The following TBCK variants were observed in gnomAD, a reference collection of about 807,000 sequenced individuals.
TBCK encodes TBC1 domain containing kinase.
Under a neutral mutation model 113.4 loss-of-function variants are expected in TBCK, and 99 were observed. The observed-to-expected ratio is 0.87, with a 90% CI of 0.74 to 1.03. The LOEUF is 1.03. Ranked by LOEUF, TBCK falls within the 50% of genes least tolerant of loss-of-function variation. TBCK has a pLI of 0.00. For missense variants in TBCK, 1,045 were observed against 1,061.3 expected (o/e 0.98, Z 0.21); for synonymous variants, 369 against 370.8 (o/e 1.00, Z 0.05).
At chr4:106,218,029 C>T (rs994239893) in intron 19 of TBCK, among the ~76,000 whole-genome samples, 1 of 143,992 alleles carries the variant, frequency 6.9e-6, no homozygotes, top group African/African-American at 2.6e-5. Context: ...AGATATAGAT[C>T]AATGGAACAG....
intron 24 of TBCK, among the ~76,000 whole-genome samples, chr4:106,111,711 A>G (rs1312235761): frequency 6.6e-6 from 1 of 152,260 alleles, no homozygotes; most frequent in African/African-American, 2.4e-5. Flanking sequence ...AGGTTTAATC[A>G]TAGAACCTGG....
rs1733986457 is a variant in TBCK at position 106,043,718 on chromosome 4, AGTGT to A, written c.*2848_*2851del. 2 of 150,406 alleles carry A rather than the reference AGTGT, an allele frequency of 1.3e-5. No individual in the cohort carries two copies. The highest frequency in any genetic ancestry group is 3.0e-5 in the Non-Finnish European group (2 of 67,642). 9.3% of individuals were successfully genotyped at this position (150,406 alleles called of 1,614,324 possible). On this transcript the variant is annotated 3_prime_UTR_variant, in exon 26 of 26. Transcript: ENST00000394708. Reference sequence around the variant, plus strand: ...GTTGCTAGATTATCAAGAGTTAATAAGTGTGTTTATGAATGTGAGTGTGTGTGTG... The same window carrying A: ...GTTGCTAGATTATCAAGAGTTAATAAGTTTATGAATGTGAGTGTGTGTGTG...
chr4:106,235,344 T>C lies in TBCK; in HGVS notation c.1374A>G (p.Gln458=). ...LLKAYPYKKN[Q]IWKEARVDIP... ...TGTCAACTCTTGCTTCTTTCCAGAT[T>C]TGGTTTTTTTTATATGGATAAGCCT... Residue 458 remains glutamine (Q), a synonymous_variant, in exon 15 of 26, where the codon CAA becomes CAG. Coordinates refer to ENST00000394708, the MANE Select transcript of TBCK (RefSeq NM_001163435.3). 6.2e-7 allele frequency: 1 copy of C among 1,609,314 alleles called. No homozygotes were observed. The highest frequency in any genetic ancestry group is 8.5e-7 in the Non-Finnish European group (1 of 1,177,822).
rs141631898 is a variant in TBCK at position 106,109,864 on chromosome 4, A to C, written c.2411+6339T>G. Reference sequence around the variant, plus strand: ...TAGGAGATTGGTCAGGGTGGTGGAAAAAATTGTAGAAAGACACAAACCTTC... The same window carrying C: ...TAGGAGATTGGTCAGGGTGGTGGAACAAATTGTAGAAAGACACAAACCTTC... On this transcript the variant is annotated intron_variant, in intron 24 of 25. Coordinates refer to ENST00000394708, the MANE Select transcript of TBCK (RefSeq NM_001163435.3). Among the ~76,000 whole-genome samples, 122 of 152,318 alleles carry C rather than the reference A, an allele frequency of 8.0e-4. 1 individual carries two copies. The highest frequency in any genetic ancestry group is 1.4e-3 in the Non-Finnish European group (97 of 68,020).
At chr4:106,074,055 A>G (rs1737861552) in intron 25 of TBCK, among the ~76,000 whole-genome samples, 1 of 151,944 alleles carries the variant, frequency 6.6e-6, no homozygotes, top group Non-Finnish European at 1.5e-5. Context: ...AAATCCCCCA[A>G]CCCCCTGCGT....
chr4:106,218,438 C>T (rs1330652302), intron 19 of TBCK, among the ~76,000 whole-genome samples: 2 of 147,776 alleles, frequency 1.4e-5, no homozygotes, highest in African/African-American at 2.5e-5. Context: ...AGGCAACCTA[C>T]AACATGGGAG....
At chr4:106,191,016 T>C (rs898946938) in intron 22 of TBCK, among the ~76,000 whole-genome samples, 2 of 152,242 alleles carry the variant, frequency 1.3e-5, no homozygotes, top group Non-Finnish European at 2.9e-5. Flanking sequence ...TCTATATCTA[T>C]GGGTTCTGCA....
At chr4:106,129,940 G>A (rs1277205833) in intron 23 of TBCK, among the ~76,000 whole-genome samples, 3 of 152,204 alleles carry the variant, frequency 2.0e-5, no homozygotes, top group African/African-American at 7.2e-5. Flanking sequence ...TGGCTTGGCT[G>A]TGTCCCTTGA....
intron 19 of TBCK, among the ~76,000 whole-genome samples, chr4:106,220,574 A>G (rs1356298357): frequency 6.6e-6 from 1 of 152,146 alleles, no homozygotes; most frequent in African/African-American, 2.4e-5. Flanking sequence ...GACAAGCTGA[A>G]TTCCTCATTT....
chr4:106,251,800 C>T (rs545771187), intron 6 of TBCK, 66 bp downstream of exon 6: 5 of 1,336,302 alleles, frequency 3.7e-6, no homozygotes. Context: ...TAACTTTCCT[C>T]TCCAAAAGAT....
At chr4:106,234,544 A>T (rs1170097996) in intron 15 of TBCK, among the ~76,000 whole-genome samples, 1 of 152,130 alleles carries the variant, frequency 6.6e-6, no homozygotes, top group Non-Finnish European at 1.5e-5. Flanking sequence ...CCTGGGCTCA[A>T]GTAATCCTTC....
intron 20 of TBCK, among the ~76,000 whole-genome samples, chr4:106,209,771 T>C (rs1755922590): frequency 6.6e-6 from 1 of 152,146 alleles, no homozygotes; most frequent in Non-Finnish European, 1.5e-5. Context: ...TCTGGTTAAT[T>C]GCCTGACTTT....
In TBCK at chr4:106,242,472, T is replaced by C; in HGVS notation, c.1168A>G (p.Asn390Asp). 6.3e-7 allele frequency: 1 copy of C among 1,597,730 alleles called. No homozygotes were observed. The highest frequency in any genetic ancestry group is 8.5e-7 in the Non-Finnish European group (1 of 1,173,022). The change falls in exon 12 of 26, where the codon AAT (asparagine) becomes GAT (aspartate). Residue 390 changes from asparagine to aspartate, a missense_variant and splice_region_variant. Transcript: ENST00000394708. ...AACTGTCAAAATATCTTTCTTACAT[T>C]TCTTAGCTGGCATAACGACAATGTC... Reference protein sequence around the residue: ...TVTLSLCQLRNRLKDVGGEAF... With the variant: ...TVTLSLCQLRDRLKDVGGEAF...
At chr4:106,143,347 T>C (rs1284355664) in intron 23 of TBCK, among the ~76,000 whole-genome samples, 1 of 152,200 alleles carries the variant, frequency 6.6e-6, no homozygotes, top group African/African-American at 2.4e-5. Context: ...TTGAGAAAAG[T>C]GGCATTTACT....
chr4:106,254,868 T>A (rs1486610709), intron 5 of TBCK: 1 of 152,340 alleles, frequency 6.6e-6, no homozygotes, highest in Non-Finnish European at 1.5e-5. Flanking sequence ...TACACTATTT[T>A]AAATAAAATA....
Position 106,235,322 on chromosome 4 carries a change from C to G in TBCK, c.1396G>C (p.Asp466His). 1 of 1,610,828 alleles carries G rather than the reference C, an allele frequency of 6.2e-7. No individual in the cohort carries two copies. The highest frequency in any genetic ancestry group is 8.5e-7 in the Non-Finnish European group (1 of 1,178,518). ...AAACCTCTCATAAGAGGAGGAATGTCAACTCTTGCTTCTTTCCAGATTTGG... is the reference window on the plus strand; with the variant it reads ...AAACCTCTCATAAGAGGAGGAATGTGAACTCTTGCTTCTTTCCAGATTTGG... The part of the protein sequence containing the change: ...KNQIWKEARV[D>H]IPPLMRGLTW... Residue 466 changes from aspartate (D) to histidine (H), a missense_variant, in exon 15 of 26, where the codon GAC (aspartate) becomes CAC (histidine). Coordinates refer to ENST00000394708, the MANE Select transcript of TBCK (RefSeq NM_001163435.3).
chr4:106,221,742 C>T (rs1757705384), intron 19 of TBCK, among the ~76,000 whole-genome samples: 2 of 151,306 alleles, frequency 1.3e-5, no homozygotes, highest in African/African-American at 2.4e-5. Flanking sequence ...TTTAAGGAGA[C>T]ATTAAAATAT....
intron 25 of TBCK, among the ~76,000 whole-genome samples, chr4:106,060,516 C>G (rs1735919868): frequency 6.6e-6 from 1 of 151,640 alleles, no homozygotes; most frequent in South Asian, 2.1e-4. Flanking sequence ...TTGTTGTGAC[C>G]TACTACTCAG....
chr4:106,089,969 G>A (rs1308275762), intron 25 of TBCK, among the ~76,000 whole-genome samples: 1 of 152,192 alleles, frequency 6.6e-6, no homozygotes, highest in Non-Finnish European at 1.5e-5. Flanking sequence ...GGTCTGGAGG[G>A]TGGCATCCCA....
Sources: gnomAD v4.1 joint callset for allele counts (sites outside exome capture counted in the v4.1 genomes callset) on GRCh38, gnomAD v4.1.1 for gene constraint, MANE v1.5 for transcripts, NCBI Gene and HGNC (gene_info 2026-07-23, HGNC 2026-07-21) for gene names.